Variants in VWF observed in about 807,000 individuals in gnomAD.
VWF encodes Factor VIII related antigen.
A neutral mutation model predicts 308.6 loss-of-function variants in VWF; 176 were observed. The ratio of observed to expected loss-of-function variants is 0.57; its 90% CI spans 0.50 to 0.65. The LOEUF (loss-of-function observed/expected upper bound fraction) is 0.65. Among genes scored for constraint, VWF ranks in the 30% least tolerant of loss-of-function variants. The probability of loss-of-function intolerance (pLI) is 0.00; values close to 1 mark genes in which losing one functional copy is unlikely to be tolerated. For synonymous variants in VWF, 1,385 were observed against 1,443.4 expected, an observed-to-expected ratio of 0.96 and a Z score of 0.92; for missense variants, 3,146 against 3,648.2, an observed-to-expected ratio of 0.86 and a Z score of 3.55.
intron 44 of VWF, among the ~76,000 whole-genome samples, chr12:5,971,077 G>A (rs1195890452): frequency 6.6e-6 from 1 of 152,140 alleles, no homozygotes; most frequent in Non-Finnish European, 1.5e-5. Context: ...GACAAGAGTG[G>A]GGCAATGGGG....
At position 6,016,964 on chromosome 12, in the gene VWF, G is replaced by A. The variant is rs71582867; in HGVS notation, c.5054-94C>T. 6.4e-3 allele frequency: 8,750 copies of A among 1,372,874 alleles called. 391 individuals are homozygous for A. In the African/African-American group the frequency reaches 0.1, roughly 16 times the overall value. The allele number at this position is 1,372,874 out of a possible 1,614,324, so 85.0% of individuals were successfully genotyped here. ...TGACATCCAATAGGATCTGCAGGGC[G>A]TGCTGACCACGTGGCACCACCAAGG... is the stretch of plus-strand genomic sequence containing the variant. On this transcript the variant is annotated intron_variant, in intron 28 of 51. Coordinates refer to ENST00000261405, the MANE Select transcript of VWF (RefSeq NM_000552.5).
At chr12:5,961,214 A>G (rs944103731) in intron 47 of VWF, among the ~76,000 whole-genome samples, 1 of 152,196 alleles carries the variant, frequency 6.6e-6, no homozygotes, top group African/African-American at 2.4e-5. Flanking sequence ...ATTTCATTAT[A>G]TATTACAATA....
chr12:6,012,604 A>G (rs965567990), intron 32 of VWF, among the ~76,000 whole-genome samples: 6 of 152,156 alleles, frequency 3.9e-5, no homozygotes, highest in African/African-American at 1.4e-4. Flanking sequence ...CCCCCGAAGG[A>G]CAGTAGCTTT....
At position 6,022,042 on chromosome 12, in the gene VWF, A is replaced by T; in HGVS notation, c.3539-7T>A. On this transcript the variant is annotated splice_region_variant and splice_polypyrimidine_tract_variant and intron_variant, in intron 26 of 51. Transcript: ENST00000261405. ...AGCTCATCCAGGATTTTCCCTGCAA[A>T]AGAAAGCTCTCATTAGGAACCAAAA... 1.2e-6 allele frequency: 2 copies of T among 1,614,104 alleles called. No individual in the cohort carries two copies. Among genetic ancestry groups the T allele is most frequent in the Non-Finnish European group, 1.7e-6 (2 of 1,180,010 alleles).
At chr12:5,980,873 T>C (rs1943597654) in intron 42 of VWF, among the ~76,000 whole-genome samples, 1 of 152,230 alleles carries the variant, frequency 6.6e-6, no homozygotes, top group Non-Finnish European at 1.5e-5. Context: ...CCTGCTGCAG[T>C]TCTGGCTCAT....
intron 32 of VWF, among the ~76,000 whole-genome samples, chr12:6,012,868 A>G (rs1379994652): frequency 4.6e-5 from 7 of 151,762 alleles, no homozygotes. Flanking sequence ...CGCCCGGCTA[A>G]TTTTTTGTAT....
intron 6 of VWF, among the ~76,000 whole-genome samples, chr12:6,077,080 C>G (rs1367583215): frequency 6.6e-6 from 1 of 152,170 alleles, no homozygotes; most frequent in Non-Finnish European, 1.5e-5. Context: ...GAGGCCAAGT[C>G]GGGCGGATCA....
chr12:6,034,298 G>A (rs1237127435), intron 20 of VWF, among the ~76,000 whole-genome samples: 9 of 152,300 alleles, frequency 5.9e-5, no homozygotes, highest in Middle Eastern at 3.4e-3. Context: ...GAGGCTGAGC[G>A]GGACTGACTT....
chr12:6,080,844 T>C (rs183526327), intron 6 of VWF, among the ~76,000 whole-genome samples: 252 of 152,276 alleles, frequency 1.7e-3, no homozygotes, highest in African/African-American at 5.7e-3. Context: ...TGCGCGAAGT[T>C]CTCATAGACC....
At chr12:6,042,001 T>C (rs1944401660) in intron 18 of VWF, among the ~76,000 whole-genome samples, 1 of 152,168 alleles carries the variant, frequency 6.6e-6, no homozygotes, top group Admixed American at 6.5e-5. Context: ...ACTCTCTGGC[T>C]TTAAAGTGCT....
At chr12:6,062,143 T>C (rs1413418772) in intron 13 of VWF, among the ~76,000 whole-genome samples, 1 of 152,194 alleles carries the variant, frequency 6.6e-6, no homozygotes, top group East Asian at 1.9e-4. Context: ...TACAAGATCT[T>C]GAGGTCCTCA....
rs192646592 is a variant in VWF, at chr12:6,025,200, G to A, written c.3222+380C>T. 3.7e-4 allele frequency among the ~76,000 whole-genome samples: 56 copies of A among 152,322 alleles called. 1 individual carries two copies. The highest frequency in any genetic ancestry group is 1.3e-3 in the African/African-American group (56 of 41,560). On this transcript the variant is annotated intron_variant, in intron 24 of 51. Transcript: ENST00000261405. ...GGCACCAAGGGGTTTTAGGGGGTGGGAGAGGAAGGTCTTTTGGTCTGGACA... is the reference window on the plus strand; with the variant it reads ...GGCACCAAGGGGTTTTAGGGGGTGGAAGAGGAAGGTCTTTTGGTCTGGACA...
rs149721758 is a variant in VWF, at chr12:5,977,797, G to T, written c.7288-1537C>A. 7.3e-5 allele frequency among the ~76,000 whole-genome samples: 11 copies of T among 151,466 alleles called. No individual in the cohort carries two copies. The South Asian group carries it at 2.3e-3, about 32-fold the overall frequency. On this transcript the variant is annotated intron_variant, in intron 42 of 51. Transcript: ENST00000261405. ...GAGGGGGAGGATCGTCTGAGCCTAG[G>T]GGGTGGAGGCTGAAGTTAGTTGAGG...
chr12:6,001,507 G>A (rs1006345284), intron 34 of VWF, among the ~76,000 whole-genome samples: 1 of 152,146 alleles, frequency 6.6e-6, no homozygotes, highest in Non-Finnish European at 1.5e-5. Flanking sequence ...AAGATTAAAT[G>A]TGACTAATAA....
intron 22 of VWF, among the ~76,000 whole-genome samples, chr12:6,028,031 G>C (rs1456291208): frequency 6.6e-6 from 1 of 152,204 alleles, no homozygotes; most frequent in Non-Finnish European, 1.5e-5. Flanking sequence ...ACAGAGAAGT[G>C]AGGGCAGTGC....
intron 34 of VWF, among the ~76,000 whole-genome samples, chr12:6,005,244 G>GT (rs1943912912): frequency 1.3e-5 from 2 of 152,114 alleles, no homozygotes; most frequent in Admixed American, 6.5e-5. Context: ...AGACAATGTG[G>GT]TTTTGGTATA....
intron 47 of VWF, among the ~76,000 whole-genome samples, chr12:5,963,347 A>G (rs1646448043): frequency 6.6e-6 from 1 of 152,252 alleles, no homozygotes; most frequent in South Asian, 2.1e-4. Flanking sequence ...GATATGGCCA[A>G]TAAGTATGTA....
At position 5,967,539 on chromosome 12, in the gene VWF, T is replaced by C. The variant is rs1357145368; in HGVS notation, c.7834A>G (p.Ile2612Val). 1 of 1,614,164 alleles carries C rather than the reference T, an allele frequency of 6.2e-7. No homozygotes were observed. ...CTGCACTCCAGCTTGAATCCAGAGA[T>C]GACCCCCACCTGCACCATGCAGCGG... ...TCRCMVQVGVISGFKLECRKT... is the reference protein window; with the variant it reads ...TCRCMVQVGVVSGFKLECRKT... Residue 2612 changes from isoleucine (I) to valine (V), a missense_variant, in exon 47 of 52, where the codon ATC becomes GTC. Physicochemically the swap from Ile to Val is conservative, Grantham distance 29 (BLOSUM62 3). Coordinates refer to ENST00000261405, the MANE Select transcript of VWF (RefSeq NM_000552.5).
chr12:5,996,350 G>T, intron 34 of VWF, 128 bp from the exon 35 acceptor site: 1 of 834,618 alleles, frequency 1.2e-6, no homozygotes, highest in Non-Finnish European at 2.0e-6. Context: ...GGCCCTTTGA[G>T]GTCATATAGA....
Sources: gnomAD v4.1 joint callset for allele counts (sites outside exome capture counted in the v4.1 genomes callset) on GRCh38, gnomAD v4.1.1 for gene constraint, MANE v1.5 for transcripts, NCBI Gene and HGNC (gene_info 2026-07-23, HGNC 2026-07-21) for gene names.